MAD1L1: variants seen among roughly 807,000 people sequenced by gnomAD.
The protein encoded by MAD1L1 is mitotic arrest deficient 1 like 1, also known as mitotic spindle assembly checkpoint protein MAD1.
In MAD1L1, 95 loss-of-function variants were observed where a neutral mutation model predicts 96.9. The observed-to-expected ratio is 0.98, with a 90% CI of 0.83 to 1.16. MAD1L1 has a LOEUF of 1.16. Ranked by LOEUF, MAD1L1 falls within the 50% of genes most tolerant of loss-of-function variation. MAD1L1 has a pLI of 0.00. For synonymous variants in MAD1L1, 473 were observed against 396.6 expected (o/e 1.19, Z -2.29); for missense variants, 1,007 against 954.4 (o/e 1.06, Z -0.73).
rs1368523395 is a variant in MAD1L1 at position 2,002,101 on chromosome 7, C to T, written c.1380G>A (p.Leu460=). 1 of 1,613,280 alleles carries T rather than the reference C, an allele frequency of 6.2e-7. No homozygotes were observed. The highest frequency in any genetic ancestry group is 2.2e-5 in the East Asian group (1 of 44,890). The change falls in exon 14 of 19, where the codon CTG becomes CTA. Residue 460 remains leucine, a synonymous_variant. Transcript: ENST00000265854. ...TTTGTTTCTGGCCTCCCAGCTCCTC[C>T]AGGGCCTGCGACAGCTGAGCCTGCA... is the stretch of plus-strand genomic sequence containing the variant. The part of the protein sequence containing the change: ...AEMEAQLSQA[L]EELGGQKQRA...
At chr7:1,982,510 TTTC>T (rs1433637088) in intron 14 of MAD1L1, among the ~76,000 whole-genome samples, 1 of 152,114 alleles carries the variant, frequency 6.6e-6, no homozygotes, top group Non-Finnish European at 1.5e-5. Flanking sequence ...CGCCCAGCCT[TTTC>T]TTCTTCTTTC....
chr7:2,161,064 G>A (rs1238726288), intron 10 of MAD1L1, among the ~76,000 whole-genome samples: 3 of 89,910 alleles, frequency 3.3e-5, no homozygotes, highest in Non-Finnish European at 7.0e-5. Context: ...ATATATCACT[G>A]CAAGGTTTCC....
At chr7:2,151,569 G>A (rs948492874) in intron 10 of MAD1L1, among the ~76,000 whole-genome samples, 1 of 152,270 alleles carries the variant, frequency 6.6e-6, no homozygotes, top group Non-Finnish European at 1.5e-5. Flanking sequence ...CAGAGCAGAA[G>A]GCAGGGTCAG....
At chr7:2,208,061 T>C (rs1792693894) in intron 10 of MAD1L1, among the ~76,000 whole-genome samples, 1 of 152,202 alleles carries the variant, frequency 6.6e-6, no homozygotes, top group African/African-American at 2.4e-5. Context: ...TTTTTCCTCT[T>C]ACAATGTCTC....
intron 17 of MAD1L1, among the ~76,000 whole-genome samples, chr7:1,901,629 G>T (rs1429488139): frequency 6.6e-6 from 1 of 152,224 alleles, no homozygotes; most frequent in Non-Finnish European, 1.5e-5. Flanking sequence ...TGGGCCAGGG[G>T]TGCTCAGGGA....
intron 18 of MAD1L1, among the ~76,000 whole-genome samples, chr7:1,893,599 C>T (rs752159040): frequency 9.2e-5 from 14 of 152,166 alleles, no homozygotes; most frequent in African/African-American, 2.7e-4. Context: ...CTCTGCCCTC[C>T]GTGGCCCTAT....
chr7:1,929,131 G>A (rs1789277121), intron 17 of MAD1L1, among the ~76,000 whole-genome samples: 1 of 151,914 alleles, frequency 6.6e-6, no homozygotes, highest in Admixed American at 6.6e-5. Context: ...CAACTCTGTG[G>A]CCAACCATCT....
chr7:1,913,540 G>T (rs1168673887), intron 17 of MAD1L1, among the ~76,000 whole-genome samples: 1 of 152,142 alleles, frequency 6.6e-6, no homozygotes, highest in African/African-American at 2.4e-5. Context: ...CCTGGAGATG[G>T]CCCTGGCGTC....
chr7:2,067,563 G>A (rs1159537804), intron 12 of MAD1L1, among the ~76,000 whole-genome samples: 8 of 152,158 alleles, frequency 5.3e-5, no homozygotes, highest in East Asian at 3.8e-4. Context: ...CGGCAGGGTC[G>A]GGCTGCACTT....
chr7:1,952,763 C>T (rs1300222134), intron 16 of MAD1L1, among the ~76,000 whole-genome samples: 1 of 152,156 alleles, frequency 6.6e-6, no homozygotes, highest in East Asian at 1.9e-4. Flanking sequence ...CCAGGTAACA[C>T]CAGGCCCATC....
At position 1,997,920 on chromosome 7, in the gene MAD1L1, G is replaced by C. The variant is rs563640078; in HGVS notation, c.1416+4145C>G. On this transcript the variant is annotated intron_variant, in intron 14 of 18. Coordinates refer to ENST00000265854, the MANE Select transcript of MAD1L1 (RefSeq NM_001013836.2). ...GGCTCCAAACAAAGGACGGGGCCAG[G>C]AACAGGAGCTCAACCCAGGGAGGGG... Among the ~76,000 whole-genome samples, 21 of 152,212 alleles carry C rather than the reference G, an allele frequency of 1.4e-4. No homozygotes were observed. The South Asian group carries it at 4.4e-3, about 32-fold the overall frequency.
chr7:2,116,422 G>A (rs1327144464), intron 11 of MAD1L1, among the ~76,000 whole-genome samples: 1 of 152,208 alleles, frequency 6.6e-6, no homozygotes, highest in Non-Finnish European at 1.5e-5. Context: ...AGAGACAAGA[G>A]CCTTGCCAGG....
chr7:2,180,938 A>C (rs1231713994), intron 10 of MAD1L1, among the ~76,000 whole-genome samples: 1 of 152,216 alleles, frequency 6.6e-6, no homozygotes, highest in Non-Finnish European at 1.5e-5. Context: ...AATGCTGAAC[A>C]GAAGTGGAGA....
At chr7:2,127,688 G>A (rs1346993370) in intron 11 of MAD1L1, among the ~76,000 whole-genome samples, 1 of 152,136 alleles carries the variant, frequency 6.6e-6, no homozygotes, top group Non-Finnish European at 1.5e-5. Flanking sequence ...CTGCGGAGAG[G>A]AGGAACCCGC....
intron 11 of MAD1L1, among the ~76,000 whole-genome samples, chr7:2,100,793 G>A (rs1012766916): frequency 1.4e-4 from 22 of 152,222 alleles, no homozygotes; most frequent in African/African-American, 4.8e-4. Context: ...GAAGGGGGTT[G>A]GAGGGTGGGA....
At chr7:2,210,686 C>T (rs924707908) in intron 10 of MAD1L1, among the ~76,000 whole-genome samples, 3 of 152,226 alleles carry the variant, frequency 2.0e-5, no homozygotes, top group African/African-American at 7.2e-5. Flanking sequence ...TGGAGCACAA[C>T]ACAAGGAGCA....
At position 1,946,641 on chromosome 7, in the gene MAD1L1, C is replaced by T. The variant is rs190652331; in HGVS notation, c.1597-9744G>A. Among the ~76,000 whole-genome samples the T allele has an allele frequency of 2.9e-3, 441 of 152,360 alleles. 4 individuals carry two copies. The highest frequency in any genetic ancestry group is 0.01 in the African/African-American group (417 of 41,586). On this transcript the variant is annotated intron_variant, in intron 16 of 18. Transcript: ENST00000265854. ...GGTGCTGCTACCCAGCGCGGTTAAG[C>T]GGAAGAGCCGGCTGGCGGGTGCAGC... is the stretch of plus-strand genomic sequence containing the variant.
intron 18 of MAD1L1, among the ~76,000 whole-genome samples, chr7:1,882,635 G>T (rs115405246): frequency 0.012 from 1,898 of 152,268 alleles, 36 homozygotes; most frequent in African/African-American, 0.043. Flanking sequence ...GGCCTGGAGC[G>T]TGAGCACCTC....
At position 2,014,523 on chromosome 7, in the gene MAD1L1, G is replaced by A. The variant is rs374686934; in HGVS notation, c.1338C>T (p.His446=). The A allele has an allele frequency of 6.3e-5, 101 of 1,603,698 alleles. No homozygotes were observed. The African/African-American group carries it at 1.3e-3, about 20-fold the overall frequency. ...REAEDMVQKV[H]SHSAEMEAQL... ...TCACCTCCATCTCGGCGCTGTGGCT[G>A]TGCACCTTCTGCACCATATCCTCAG... Residue 446 remains histidine (H), a synonymous_variant, in exon 13 of 19, where the codon CAC becomes CAT. Coordinates refer to ENST00000265854, the MANE Select transcript of MAD1L1 (RefSeq NM_001013836.2).
Sources: gnomAD v4.1 joint callset for allele counts (sites outside exome capture counted in the v4.1 genomes callset) on GRCh38, gnomAD v4.1.1 for gene constraint, MANE v1.5 for transcripts, NCBI Gene and HGNC (gene_info 2026-07-23, HGNC 2026-07-21) for gene names.